The following CFAP58 variants were observed in gnomAD, a reference collection of about 807,000 sequenced individuals.
The protein encoded by CFAP58 is cilia and flagella associated protein 58, also known as cilia- and flagella-associated protein 58.
Under a neutral mutation model 119.5 loss-of-function variants are expected in CFAP58, and 88 were observed. That is an observed-to-expected ratio of 0.74 (90% CI 0.62 to 0.88). CFAP58 has a LOEUF of 0.88. Ranked by LOEUF, CFAP58 falls within the 40% of genes least tolerant of loss-of-function variation. The pLI is 0.00. For synonymous variants in CFAP58, 365 were observed against 366.3 expected (o/e 1.00, Z 0.04); for missense variants, 990 against 1,021.2 (o/e 0.97, Z 0.42).
intron 11 of CFAP58, among the ~76,000 whole-genome samples, chr10:104,395,398 A>G (rs1422034390): frequency 6.6e-6 from 1 of 152,192 alleles, no homozygotes; most frequent in East Asian, 1.9e-4. Context: ...TAGGTCATCG[A>G]TTATAGGAAG....
intron 9 of CFAP58, among the ~76,000 whole-genome samples, chr10:104,388,013 G>T (rs1263482835): frequency 2.6e-5 from 4 of 152,092 alleles, no homozygotes; most frequent in Non-Finnish European, 4.4e-5. Context: ...ATTGATTAAA[G>T]AAATATTGTC....
chr10:104,340,478 G>C, the CFAP58 span, among the ~76,000 whole-genome samples: 1 of 152,104 alleles, frequency 6.6e-6, no homozygotes, highest in Non-Finnish European at 1.5e-5. Flanking sequence ...ACTCCTTCAG[G>C]AAGTCTTCCT....
chr10:104,371,774 A>G (rs2014826616), intron 7 of CFAP58, among the ~76,000 whole-genome samples: 1 of 152,204 alleles, frequency 6.6e-6, no homozygotes. Context: ...TCTGAATAAA[A>G]AATATAATTA....
chr10:104,402,982 G>T (rs1396894744), intron 13 of CFAP58, among the ~76,000 whole-genome samples: 1 of 152,194 alleles, frequency 6.6e-6, no homozygotes, highest in East Asian at 1.9e-4. Context: ...TTTGTGGACT[G>T]TAGCCTGTTC....
chr10:104,368,565 A>AC lies in CFAP58; in HGVS notation c.930+6dup. On this transcript the variant is annotated splice_donor_region_variant and intron_variant, in intron 6 of 17. Coordinates refer to ENST00000369704, the MANE Select transcript of CFAP58 (RefSeq NM_001008723.2). ...CAGAAGGCGTTGGAGCTCAAAGTAA[A>AC]CACCAAGTTACATGTCTGTTCCCTA... 1 of 1,613,626 alleles carries AC rather than the reference A, an allele frequency of 6.2e-7. No homozygotes were observed. Among genetic ancestry groups the AC allele is most frequent in the Non-Finnish European group, 8.5e-7 (1 of 1,179,712 alleles).
At position 104,382,134 on chromosome 10, in the gene CFAP58, T is replaced by G. The variant is rs193002733; in HGVS notation, c.1365+1914T>G. The G allele has an allele frequency of 2.8e-4, 204 of 717,436 alleles. 1 individual carries two copies. In the East Asian group the frequency reaches 3.4e-3, roughly 12 times the overall value. 44.4% of individuals were successfully genotyped at this position (717,436 alleles called of 1,614,324 possible). A position where few individuals can be genotyped will look rare whatever the true frequency, so the allele number is the denominator to read the frequency against. On this transcript the variant is annotated intron_variant, in intron 9 of 17. Transcript: ENST00000369704. ...TGTCCTCTTCTTTCCAGGCTGACTCTGTCAGGATGCCCTGGCCTCTGGACA... is the reference window on the plus strand; with the variant it reads ...TGTCCTCTTCTTTCCAGGCTGACTCGGTCAGGATGCCCTGGCCTCTGGACA...
chr10:104,419,597 G>A (rs773595995), intron 15 of CFAP58, among the ~76,000 whole-genome samples: 5 of 146,354 alleles, frequency 3.4e-5, no homozygotes, highest in Non-Finnish European at 6.0e-5. Flanking sequence ...TTCCTTTTTT[G>A]AGATGACATT....
At chr10:104,387,671 A>T (rs1331040018) in intron 9 of CFAP58, among the ~76,000 whole-genome samples, 3 of 152,194 alleles carry the variant, frequency 2.0e-5, no homozygotes, top group African/African-American at 7.2e-5. Flanking sequence ...GTTGTGATCT[A>T]CCATATTTCC....
Position 104,377,026 on chromosome 10 carries a change from A to G in CFAP58, c.1173+133A>G, listed in dbSNP as rs2011684298. On this transcript the variant is annotated intron_variant, in intron 8 of 17. Transcript: ENST00000369704. ...GGATTAGAATAAATAATAGTGCTTA[A>G]TTTTCCTCTAAGCAGCTGCCTACAG... The G allele has an allele frequency of 1.8e-5, 11 of 613,282 alleles. No individual in the cohort carries two copies. In the South Asian group the frequency reaches 2.5e-4, roughly 14 times the overall value. The allele number at this position is 613,282 out of a possible 1,614,324, so 38.0% of individuals were successfully genotyped here.
intron 15 of CFAP58, among the ~76,000 whole-genome samples, chr10:104,434,721 T>A (rs77136627): frequency 6.6e-6 from 1 of 152,234 alleles, no homozygotes; most frequent in Non-Finnish European, 1.5e-5. Flanking sequence ...CTCAGTGGAC[T>A]TTTCTTTTCA....
chr10:104,427,283 C>G (rs1395844853), intron 15 of CFAP58, among the ~76,000 whole-genome samples: 2 of 152,158 alleles, frequency 1.3e-5, no homozygotes, highest in African/African-American at 4.8e-5. Context: ...TTAGAATTCT[C>G]AGTTTATAAA....
intron 3 of CFAP58, among the ~76,000 whole-genome samples, chr10:104,363,045 A>G (rs2014693339): frequency 6.6e-6 from 1 of 152,114 alleles, no homozygotes; most frequent in African/African-American, 2.4e-5. Context: ...CCCATCTCAA[A>G]CACTGTCTTA....
intron 15 of CFAP58, among the ~76,000 whole-genome samples, chr10:104,409,677 C>T (rs919176784): frequency 3.3e-5 from 5 of 152,006 alleles, no homozygotes; most frequent in African/African-American, 1.2e-4. Context: ...TTTATTTCTT[C>T]CTGCTTGAAT....
At position 104,366,472 on chromosome 10, in the gene CFAP58, T is replaced by C. The variant is rs374592436; in HGVS notation, c.792+464T>C. Among the ~76,000 whole-genome samples, 158 of 152,328 alleles carry C rather than the reference T, an allele frequency of 1.0e-3. 4 individuals are homozygous for C. The South Asian group carries it at 0.032, about 31-fold the overall frequency. ...TTTGGTTTCGCCTGTCTTTATACTT[T>C]ACAGAAATAAAATATTACAGGATAT... On this transcript the variant is annotated intron_variant, in intron 5 of 17. Coordinates refer to ENST00000369704, the MANE Select transcript of CFAP58 (RefSeq NM_001008723.2).
chr10:104,432,180 A>C (rs2012858060), intron 15 of CFAP58, among the ~76,000 whole-genome samples: 2 of 152,332 alleles, frequency 1.3e-5, no homozygotes, highest in South Asian at 4.1e-4. Context: ...GAATAGTAAA[A>C]AGCATTTCAA....
At chr10:104,352,793 C>T (rs370752626), upstream of CFAP58, among the ~76,000 whole-genome samples, 4 of 152,204 alleles carry the variant, frequency 2.6e-5, no homozygotes, top group South Asian at 8.3e-4. Flanking sequence ...CCTTATGAAA[C>T]GCTGTGCAGT....
At chr10:104,436,516 G>T (rs2012936859) in intron 15 of CFAP58, among the ~76,000 whole-genome samples, 1 of 152,124 alleles carries the variant, frequency 6.6e-6, no homozygotes, top group Non-Finnish European at 1.5e-5. Context: ...ATGGTGGAAG[G>T]TGAAGCGGGA....
At position 104,403,360 on chromosome 10, in the gene CFAP58, C is replaced by T. The variant is rs538027045; in HGVS notation, c.2040-369C>T. Among the ~76,000 whole-genome samples, 15 of 152,284 alleles carry T rather than the reference C, an allele frequency of 9.9e-5. No homozygotes were observed. The South Asian group carries it at 3.1e-3, about 32-fold the overall frequency. On this transcript the variant is annotated intron_variant, in intron 13 of 17. Coordinates refer to ENST00000369704, the MANE Select transcript of CFAP58 (RefSeq NM_001008723.2). The stretch of plus-strand genomic sequence containing the variant: ...ATGTGGAACTGTGAGTCCATTAAAC[C>T]TCTTTCCTTTATAAATTACCCAGTC...
chr10:104,366,059 A>G (rs2135255557), intron 5 of CFAP58, 51 bp downstream of exon 5: 2 of 1,404,184 alleles, frequency 1.4e-6, no homozygotes, highest in South Asian at 3.0e-5. Context: ...CCAGAATGGC[A>G]CCTTTATTCA....
Sources: allele counts gnomAD v4.1 joint callset (sites outside exome capture counted in the v4.1 genomes callset), GRCh38; gene constraint gnomAD v4.1.1; transcripts MANE v1.5; gene names NCBI Gene and HGNC (gene_info 2026-07-23, HGNC 2026-07-21).